Variants in EPHB1 observed in about 807,000 individuals in gnomAD.
The protein encoded by EPHB1 is ephrin type-B receptor 1.
A neutral mutation model predicts 94.4 loss-of-function variants in EPHB1; 30 were observed. That is an observed-to-expected ratio of 0.32 (90% CI 0.24 to 0.43). The LOEUF is 0.43. EPHB1 is among the 20% of genes least tolerant of loss of function. The probability of loss-of-function intolerance (pLI) is 1.00; values close to 1 mark genes in which losing one functional copy is unlikely to be tolerated. For missense variants in EPHB1, 1,055 were observed against 1,308.3 expected (o/e 0.81, Z 2.99); for synonymous variants, 522 against 489.1 (o/e 1.07, Z -0.89).
chr3:134,937,928 T>C (rs1226037914), intron 2 of EPHB1, among the ~76,000 whole-genome samples: 1 of 151,036 alleles, frequency 6.6e-6, no homozygotes, highest in African/African-American at 2.4e-5. Context: ...TTTTTTTTTT[T>C]TTTTCCTCCT....
intron 3 of EPHB1, among the ~76,000 whole-genome samples, chr3:135,069,212 C>CATTTTGAGTTAATTTTTGT (rs1312730361): frequency 2.6e-5 from 4 of 151,070 alleles, no homozygotes; most frequent in African/African-American, 9.7e-5. Flanking sequence ...CTCTTTTATC[C>CATTTTGAGTTAATTTTTGT]ATTTTGAGTT....
chr3:134,934,465 G>A (rs998391195), intron 2 of EPHB1, among the ~76,000 whole-genome samples: 2 of 152,164 alleles, frequency 1.3e-5, no homozygotes, highest in Non-Finnish European at 2.9e-5. Context: ...GATCCCCAGG[G>A]GAGGAGAATT....
intron 12 of EPHB1, among the ~76,000 whole-genome samples, chr3:135,232,085 T>A (rs1356910579): frequency 2.0e-5 from 3 of 152,202 alleles, no homozygotes; most frequent in Non-Finnish European, 4.4e-5. Context: ...CAGAAGCCAT[T>A]TCCACTAGCT....
chr3:135,054,040 T>TACACACAC (rs1553727022), intron 3 of EPHB1, among the ~76,000 whole-genome samples: 50 of 139,868 alleles, frequency 3.6e-4, no homozygotes, highest in East Asian at 1.0e-3. Context: ...TATATATATA[T>TACACACAC]ACACACACAC....
chr3:134,795,377 C>T lies in EPHB1; in HGVS notation c.-255C>T, dbSNP rs72982123. 9,280 of 515,424 alleles carry T rather than the reference C, an allele frequency of 0.018. 319 individuals carry two copies. The highest frequency in any genetic ancestry group is 0.081 in the African/African-American group (3,987 of 49,148). The allele number at this position is 515,424 out of a possible 1,614,324, so 31.9% of individuals were successfully genotyped here. On this transcript the variant is annotated 5_prime_UTR_variant, in exon 1 of 16. Transcript: ENST00000398015. ...TCTCCCTCGCCCTCTCTCTCTCACA[C>T]ACGCACGCACACACCCACCTCTCCC...
chr3:135,235,754 C>T (rs865881713), intron 12 of EPHB1, among the ~76,000 whole-genome samples: 17 of 152,084 alleles, frequency 1.1e-4, no homozygotes, highest in Admixed American at 6.5e-4. Context: ...CTGGAGTGGC[C>T]ATCTGAGTCT....
At chr3:135,159,707 C>T (rs1941455522) in intron 6 of EPHB1, among the ~76,000 whole-genome samples, 1 of 152,194 alleles carries the variant, frequency 6.6e-6, no homozygotes, top group African/African-American at 2.4e-5. Flanking sequence ...CAGGCAATCT[C>T]TCCCAGGGCC....
chr3:134,795,933 G>A (rs970588271), intron 1 of EPHB1, among the ~76,000 whole-genome samples: 1 of 152,182 alleles, frequency 6.6e-6, no homozygotes, highest in African/African-American at 2.4e-5. Flanking sequence ...TCCTCGCCCC[G>A]GCACTCCCTG....
At position 135,043,419 on chromosome 3, in the gene EPHB1, A is replaced by G. The variant is rs576295236; in HGVS notation, c.806-63029A>G. On this transcript the variant is annotated intron_variant, in intron 3 of 15. Coordinates refer to ENST00000398015, the MANE Select transcript of EPHB1 (RefSeq NM_004441.5). Reference sequence around the variant, plus strand: ...GGGTCTCCATCATTCCCAAATCTCAATTTCAGAGTGAGAAGCCCTCTATGA... The same window carrying G: ...GGGTCTCCATCATTCCCAAATCTCAGTTTCAGAGTGAGAAGCCCTCTATGA... Among the ~76,000 whole-genome samples, 9 of 152,162 alleles carry G rather than the reference A, an allele frequency of 5.9e-5. 2 individuals carry two copies. In the South Asian group the frequency reaches 1.9e-3, roughly 32 times the overall value.
At chr3:135,174,246 CCT>C (rs1941910449) in intron 9 of EPHB1, among the ~76,000 whole-genome samples, 1 of 152,130 alleles carries the variant, frequency 6.6e-6, no homozygotes, top group Non-Finnish European at 1.5e-5. Context: ...AATCCTAATG[CCT>C]CTGTTTGGTA....
intron 1 of EPHB1, among the ~76,000 whole-genome samples, chr3:134,865,455 T>A (rs1465783166): frequency 6.6e-6 from 1 of 152,132 alleles, no homozygotes; most frequent in African/African-American, 2.4e-5. Context: ...CAAATACATA[T>A]ACCCGTTGAC....
chr3:135,067,644 TC>T (rs1937598923), intron 3 of EPHB1: 1 of 152,216 alleles, frequency 6.6e-6, no homozygotes, highest in Non-Finnish European at 1.5e-5. Context: ...CTTTAGTTCT[TC>T]CCCTGCCTGT....
chr3:134,914,291 G>A (rs1374341057), intron 1 of EPHB1, among the ~76,000 whole-genome samples: 1 of 152,212 alleles, frequency 6.6e-6, no homozygotes, highest in Non-Finnish European at 1.5e-5. Context: ...ACTGCTCTTT[G>A]CAGACCAACT....
chr3:135,066,430 G>A (rs1164085663), intron 3 of EPHB1, among the ~76,000 whole-genome samples: 1 of 152,140 alleles, frequency 6.6e-6, no homozygotes, highest in Non-Finnish European at 1.5e-5. Flanking sequence ...GTTGGATTGG[G>A]TTAATTCAAA....
chr3:134,918,696 G>A (rs756545366), intron 1 of EPHB1, among the ~76,000 whole-genome samples: 12 of 152,138 alleles, frequency 7.9e-5, no homozygotes, highest in Non-Finnish European at 1.6e-4. Flanking sequence ...TCTGCTCACT[G>A]CTACATTGTC....
At chr3:135,164,269 T>G (rs937152273) in intron 7 of EPHB1, among the ~76,000 whole-genome samples, 2 of 152,228 alleles carry the variant, frequency 1.3e-5, no homozygotes, top group Non-Finnish European at 2.9e-5. Context: ...TTTAAAATTC[T>G]AGAGAATGGG....
At chr3:135,135,686 C>T (rs1045778648) in intron 5 of EPHB1, among the ~76,000 whole-genome samples, 1 of 152,154 alleles carries the variant, frequency 6.6e-6, no homozygotes, top group African/African-American at 2.4e-5. Context: ...GGTATGACCC[C>T]TCTCTGTGCC....
intron 3 of EPHB1, among the ~76,000 whole-genome samples, chr3:135,063,919 T>C (rs1020354913): frequency 3.3e-5 from 5 of 152,138 alleles, no homozygotes; most frequent in African/African-American, 9.7e-5. Context: ...GCTGGATTTT[T>C]TCGAATGCAT....
At chr3:134,859,541 C>A (rs183488274) in intron 1 of EPHB1, among the ~76,000 whole-genome samples, 66 of 152,248 alleles carry the variant, frequency 4.3e-4, no homozygotes, top group Non-Finnish European at 7.6e-4. Flanking sequence ...GGTGTCCCCA[C>A]CCCCTGGCTG....
Sources: gnomAD v4.1 joint callset for allele counts (sites outside exome capture counted in the v4.1 genomes callset) on GRCh38, gnomAD v4.1.1 for gene constraint, MANE v1.5 for transcripts, NCBI Gene and HGNC (gene_info 2026-07-23, HGNC 2026-07-21) for gene names.